Variants in TUSC3 observed in about 807,000 individuals in gnomAD.
The protein encoded by TUSC3 is tumor suppressor candidate 3, also known as dolichyl-diphosphooligosaccharide--protein glycosyltransferase subunit TUSC3.
Under a neutral mutation model 44.8 loss-of-function variants are expected in TUSC3, and 45 were observed. The ratio of observed to expected loss-of-function variants is 1.00; its 90% CI spans 0.79 to 1.29. TUSC3 has a LOEUF of 1.29. Among genes scored for constraint, TUSC3 ranks in the 50% most tolerant of loss-of-function variants. The probability of loss-of-function intolerance (pLI) is 0.00; values close to 1 mark genes in which losing one functional copy is unlikely to be tolerated. For synonymous variants in TUSC3, 212 were observed against 152.9 expected, an observed-to-expected ratio of 1.39 and a Z score of -2.85; for missense variants, 519 against 437.9, an observed-to-expected ratio of 1.19 and a Z score of -1.65.
At chr8:15,714,213 T>C (rs1211719859) in intron 6 of TUSC3, among the ~76,000 whole-genome samples, 1 of 152,158 alleles carries the variant, frequency 6.6e-6, no homozygotes. Context: ...TAGAATTTTG[T>C]AACACTTTAC....
At chr8:15,573,473 C>T (rs181248812) in intron 1 of TUSC3, among the ~76,000 whole-genome samples, 8 of 151,900 alleles carry the variant, frequency 5.3e-5, no homozygotes, top group African/African-American at 1.9e-4. Context: ...AGAAGGAGCC[C>T]AGTGGGTTTA....
At chr8:15,622,053 A>C (rs541738952) in intron 1 of TUSC3, among the ~76,000 whole-genome samples, 1 of 152,112 alleles carries the variant, frequency 6.6e-6, no homozygotes, top group Non-Finnish European at 1.5e-5. Context: ...TCTGTGAGCC[A>C]CTTTTCCTTT....
the TUSC3 span, among the ~76,000 whole-genome samples, chr8:15,828,094 A>G: frequency 6.7e-6 from 1 of 149,974 alleles, no homozygotes; most frequent in Non-Finnish European, 1.5e-5. Flanking sequence ...TCCCGGGTTC[A>G]AGCAACTCTC....
chr8:15,582,959 C>T (rs1466804692), intron 1 of TUSC3, among the ~76,000 whole-genome samples: 1 of 152,154 alleles, frequency 6.6e-6, no homozygotes, highest in Non-Finnish European at 1.5e-5. Flanking sequence ...ATTCTTGCTT[C>T]CCAAATCAAA....
intron 2 of TUSC3, among the ~76,000 whole-genome samples, chr8:15,626,393 G>A (rs1211590507): frequency 2.6e-5 from 4 of 152,210 alleles, no homozygotes; most frequent in Admixed American, 6.5e-5. Context: ...CTGGGTCTGG[G>A]GCAGTGCTGT....
chr8:15,720,740 T>G (rs1294494504), intron 6 of TUSC3, among the ~76,000 whole-genome samples: 2 of 152,116 alleles, frequency 1.3e-5, no homozygotes, highest in African/African-American at 4.8e-5. Context: ...AGAATGTAAA[T>G]TAAAGCTATC....
chr8:15,556,929 G>A (rs1802290701), intron 1 of TUSC3, among the ~76,000 whole-genome samples: 1 of 149,400 alleles, frequency 6.7e-6, no homozygotes, highest in Admixed American at 6.7e-5. Context: ...AGTAGGTTGT[G>A]AAAATTTTCT....
chr8:15,642,470 A>T (rs1001454086), intron 2 of TUSC3, among the ~76,000 whole-genome samples: 2 of 152,220 alleles, frequency 1.3e-5, no homozygotes, highest in Admixed American at 1.3e-4. Flanking sequence ...TGACGGCAAT[A>T]CTATCAGTTG....
At chr8:15,496,636 G>T (rs867571567) in intron 2 of TUSC3, among the ~76,000 whole-genome samples, 1 of 152,262 alleles carries the variant, frequency 6.6e-6, no homozygotes, top group Middle Eastern at 3.4e-3. Flanking sequence ...TACAGGCCCA[G>T]TGGTTAAGTG....
At chr8:15,807,237 C>T in the TUSC3 span, 1 of 659,988 alleles carries the variant, frequency 1.5e-6, no homozygotes, top group Non-Finnish European at 2.8e-6. Flanking sequence ...ACCCCACCCC[C>T]AGGCATTATG....
chr8:15,806,718 A>G, the TUSC3 span: 1 of 831,418 alleles, frequency 1.2e-6, no homozygotes. Flanking sequence ...AGGGCTTTGG[A>G]TACAGCCAGA....
intron 1 of TUSC3, among the ~76,000 whole-genome samples, chr8:15,542,469 G>A (rs1801724324): frequency 6.6e-6 from 1 of 151,938 alleles, no homozygotes; most frequent in Admixed American, 6.6e-5. Flanking sequence ...GGTTTTTCAG[G>A]TTAGCTTTGG....
intron 1 of TUSC3, among the ~76,000 whole-genome samples, chr8:15,477,994 G>A (rs1421687436): frequency 1.3e-5 from 2 of 152,010 alleles, no homozygotes; most frequent in Non-Finnish European, 2.9e-5. Flanking sequence ...GTCTCGTTCT[G>A]TTGCCCAGGC....
At chr8:15,761,682 A>G (rs1430644497) in intron 10 of TUSC3, among the ~76,000 whole-genome samples, 2 of 152,206 alleles carry the variant, frequency 1.3e-5, no homozygotes, top group African/African-American at 4.8e-5. Context: ...ACAGAAGTTG[A>G]TCGTGGTACC....
chr8:15,466,602 C>A (rs963904682), intron 1 of TUSC3, among the ~76,000 whole-genome samples: 1 of 152,072 alleles, frequency 6.6e-6, no homozygotes, highest in Non-Finnish European at 1.5e-5. Context: ...GACATTCAGT[C>A]TTGTCTTAAG....
chr8:15,697,734 T>C (rs570959340), intron 6 of TUSC3, among the ~76,000 whole-genome samples: 30 of 152,342 alleles, frequency 2.0e-4, no homozygotes, highest in African/African-American at 7.2e-4. Context: ...TCCTATGTAT[T>C]TGTAAAATGT....
intron 1 of TUSC3, among the ~76,000 whole-genome samples, chr8:15,602,292 T>G (rs903074920): frequency 8.6e-5 from 13 of 151,714 alleles, no homozygotes; most frequent in African/African-American, 3.1e-4. Context: ...CAGAACTATT[T>G]AGCTTTTGTG....
In TUSC3 at chr8:15,673,852, A is replaced by C; in HGVS notation, c.798+16A>C. On this transcript the variant is annotated intron_variant, in intron 6 of 10. Transcript: ENST00000503731. ...TGGACAAGTGGTAAGTGTAATTTAT[A>C]AGCATGAATATTCTGAAGTTTAATC... 6.3e-7 allele frequency: 1 copy of C among 1,593,706 alleles called. No homozygotes were observed. The highest frequency in any genetic ancestry group is 8.6e-7 in the Non-Finnish European group (1 of 1,162,234).
intron 1 of TUSC3, among the ~76,000 whole-genome samples, chr8:15,420,239 G>A (rs1401781808): frequency 6.6e-5 from 10 of 152,106 alleles, no homozygotes; most frequent in Non-Finnish European, 1.3e-4. Flanking sequence ...GTTCATGCCT[G>A]TAATCCCAGC....
Sources: allele counts gnomAD v4.1 joint callset (sites outside exome capture counted in the v4.1 genomes callset), GRCh38; gene constraint gnomAD v4.1.1; transcripts MANE v1.5; gene names NCBI Gene and HGNC (gene_info 2026-07-23, HGNC 2026-07-21).